The following NBAS variants were observed in gnomAD, a reference collection of about 807,000 sequenced individuals.
The protein encoded by NBAS is NAG/BC035112 fusion.
NBAS carries 219 observed loss-of-function variants against 302.5 expected under a neutral mutation model. That is an observed-to-expected ratio of 0.72 (90% CI 0.65 to 0.81). The LOEUF (loss-of-function observed/expected upper bound fraction) is 0.81. NBAS is among the 30% of genes least tolerant of loss of function. The pLI is 0.00. For synonymous variants in NBAS, 1,118 were observed against 1,021.6 expected (o/e 1.09, Z -1.80); for missense variants, 2,932 against 2,841.6 (o/e 1.03, Z -0.72).
intron 28 of NBAS, among the ~76,000 whole-genome samples, chr2:15,385,985 T>A (rs76248534): frequency 0.012 from 1,857 of 152,276 alleles, 38 homozygotes; most frequent in South Asian, 0.023. Context: ...AGCATGATCT[T>A]GGAAATACTG....
chr2:15,064,595 A>G, the NBAS span, among the ~76,000 whole-genome samples: 7 of 152,192 alleles, frequency 4.6e-5, no homozygotes, highest in African/African-American at 9.7e-5. Context: ...CCAACAAAGA[A>G]AAGTCCAAGA....
chr2:15,403,075 C>T (rs1676232405), intron 25 of NBAS, among the ~76,000 whole-genome samples: 1 of 150,444 alleles, frequency 6.6e-6, no homozygotes, highest in African/African-American at 2.5e-5. Flanking sequence ...ATTAGCACCA[C>T]AGCAACCAAA....
rs577697636 is a variant in NBAS, at chr2:15,171,447, C to T, written c.6841-4124G>A. Among the ~76,000 whole-genome samples, 17 of 152,300 alleles carry T rather than the reference C, an allele frequency of 1.1e-4. No homozygotes were observed. The South Asian group carries it at 2.5e-3, about 22-fold the overall frequency. The stretch of plus-strand genomic sequence containing the variant: ...CTAAGAATTTTTAAATTGTTTTTTA[C>T]ATAGTTTTCAGTCTTAAAAATTTTA... On this transcript the variant is annotated intron_variant, in intron 51 of 51. Transcript: ENST00000281513.
the NBAS span, among the ~76,000 whole-genome samples, chr2:15,034,338 A>AGGC: frequency 6.6e-6 from 1 of 151,734 alleles, no homozygotes; most frequent in African/African-American, 2.4e-5. Context: ...GCAGGCAGGC[A>AGGC]AGCAAGCAAG....
At chr2:15,034,467 A>T in the NBAS span, among the ~76,000 whole-genome samples, 1 of 152,082 alleles carries the variant, frequency 6.6e-6, no homozygotes, top group East Asian at 1.9e-4. Flanking sequence ...AGCTTTCAGA[A>T]CTGTGAAAAA....
chr2:14,999,548 G>A, the NBAS span, among the ~76,000 whole-genome samples: 5 of 151,952 alleles, frequency 3.3e-5, no homozygotes, highest in African/African-American at 9.7e-5. Flanking sequence ...AGCATGTAGC[G>A]TTTTCCCATT....
chr2:14,876,213 T>C, the NBAS span, among the ~76,000 whole-genome samples: 1 of 152,240 alleles, frequency 6.6e-6, no homozygotes, highest in East Asian at 1.9e-4. Flanking sequence ...AACAATAGCC[T>C]TTACTTTTCA....
intron 51 of NBAS, among the ~76,000 whole-genome samples, chr2:15,172,840 A>G (rs1664359335): frequency 6.6e-6 from 1 of 152,238 alleles, no homozygotes; most frequent in African/African-American, 2.4e-5. Flanking sequence ...TGAAAAGAAG[A>G]CAGGCTTTTG....
chr2:15,366,068 G>T (rs572365384), intron 32 of NBAS, among the ~76,000 whole-genome samples: 56 of 152,272 alleles, frequency 3.7e-4, no homozygotes, highest in Admixed American at 1.0e-3. Flanking sequence ...CATCATTTAT[G>T]AGATGATTAA....
intron 8 of NBAS, among the ~76,000 whole-genome samples, chr2:15,535,523 G>GAAATAAAT (rs58852086): frequency 0.047 from 4,667 of 99,662 alleles, 131 homozygotes; most frequent in African/African-American, 0.11. Context: ...CTCCGTCTCA[G>GAAATAAAT]AAATAAATAA....
chr2:15,164,556 G>A (rs1663969908), downstream of NBAS, among the ~76,000 whole-genome samples: 1 of 152,136 alleles, frequency 6.6e-6, no homozygotes, highest in Non-Finnish European at 1.5e-5. Context: ...GCTCACCCTG[G>A]GGGCCGCGTC....
chr2:15,458,615 G>C (rs919060264), intron 21 of NBAS, among the ~76,000 whole-genome samples: 25 of 152,156 alleles, frequency 1.6e-4, no homozygotes, highest in African/African-American at 5.6e-4. Flanking sequence ...GCAGATGCCA[G>C]AGCTATGCTT....
the NBAS span, among the ~76,000 whole-genome samples, chr2:14,824,331 T>A: frequency 6.6e-6 from 1 of 151,892 alleles, no homozygotes; most frequent in African/African-American, 2.4e-5. Context: ...AATCTAAATA[T>A]CAGAAAAAGT....
At chr2:14,984,289 C>T in the NBAS span, among the ~76,000 whole-genome samples, 10 of 152,140 alleles carry the variant, frequency 6.6e-5, no homozygotes, top group African/African-American at 1.7e-4. Context: ...TGTTCACTAC[C>T]TCCTTATGGG....
chr2:15,176,390 T>G (rs1664538812), intron 51 of NBAS, among the ~76,000 whole-genome samples: 1 of 151,976 alleles, frequency 6.6e-6, no homozygotes, highest in African/African-American at 2.4e-5. Flanking sequence ...GTATGAGAGA[T>G]CCTTGTGTCT....
chr2:14,833,718 A>G, the NBAS span, among the ~76,000 whole-genome samples: 1 of 152,054 alleles, frequency 6.6e-6, no homozygotes, highest in East Asian at 1.9e-4. Context: ...GGGAGGTAGG[A>G]GACCTGGATT....
Position 15,402,188 on chromosome 2 carries a change from A to G in NBAS, c.3051T>C (p.Cys1017=). 6.2e-7 allele frequency: 1 copy of G among 1,613,660 alleles called. No individual in the cohort carries two copies. ...QLCLCYDLLE[C]LPERGYGDKT... is the part of the protein sequence containing the mutation. Reference sequence around the variant, plus strand: ...CTTACCCATATCCTCTTTCTGGCAGACATTCTAGTAGGTCATAGCAAAGAC... The same window carrying G: ...CTTACCCATATCCTCTTTCTGGCAGGCATTCTAGTAGGTCATAGCAAAGAC... The change falls in exon 26 of 52, where the codon TGT becomes TGC. Residue 1017 remains cysteine (C), a synonymous_variant. Coordinates refer to ENST00000281513, the MANE Select transcript of NBAS (RefSeq NM_015909.4).
chr2:15,328,101 G>A (rs946798147), intron 37 of NBAS, 98 bp downstream of exon 37: 3 of 1,288,156 alleles, frequency 2.3e-6, no homozygotes, highest in Non-Finnish European at 3.3e-6. Flanking sequence ...TAAGAACCAA[G>A]ACAAATAAGT....
the NBAS span, among the ~76,000 whole-genome samples, chr2:14,865,925 T>A: frequency 1.1e-3 from 161 of 152,258 alleles, no homozygotes; most frequent in African/African-American, 3.6e-3. Flanking sequence ...AAACTGAAGA[T>A]CTCATTCACT....
Sources: allele counts gnomAD v4.1 joint callset (sites outside exome capture counted in the v4.1 genomes callset), GRCh38; gene constraint gnomAD v4.1.1; transcripts MANE v1.5; gene names NCBI Gene and HGNC (gene_info 2026-07-23, HGNC 2026-07-21).